ZPLD1: variants seen among roughly 807,000 people sequenced by gnomAD.
ZPLD1 encodes zona pellucida-like domain-containing protein 1.
In ZPLD1, 34 loss-of-function variants were observed where a neutral mutation model predicts 47.2. That is an observed-to-expected ratio of 0.72 (90% CI 0.55 to 0.96). ZPLD1 has a LOEUF of 0.96. Ranked by LOEUF, ZPLD1 falls within the 40% of genes least tolerant of loss-of-function variation. The pLI is 0.00. For missense variants in ZPLD1, 512 were observed against 505.8 expected, an observed-to-expected ratio of 1.01 and a Z score of -0.12; for synonymous variants, 176 against 186.2, an observed-to-expected ratio of 0.95 and a Z score of 0.45.
intron 7 of ZPLD1, among the ~76,000 whole-genome samples, chr3:102,416,475 C>A (rs143861139): frequency 1.3e-5 from 2 of 151,784 alleles, no homozygotes; most frequent in African/African-American, 4.8e-5. Flanking sequence ...GCGTTCAAAG[C>A]GAAACCTGAA....
intron 7 of ZPLD1, among the ~76,000 whole-genome samples, chr3:102,396,749 C>T (rs528025429): frequency 2.8e-4 from 43 of 152,250 alleles, no homozygotes; most frequent in Admixed American, 1.3e-3. Context: ...CACTCTGTTA[C>T]GCTCTTTCCT....
chr3:102,416,313 T>C (rs1476420006), intron 7 of ZPLD1, among the ~76,000 whole-genome samples: 3 of 151,946 alleles, frequency 2.0e-5, no homozygotes, highest in Non-Finnish European at 2.9e-5. Context: ...GTAGGGTATA[T>C]GGGTAGTGGT....
At chr3:102,452,254 ATT>A (rs34069463) in intron 3 of ZPLD1, among the ~76,000 whole-genome samples, 200 of 133,320 alleles carry the variant, frequency 1.5e-3, no homozygotes, top group Non-Finnish European at 1.7e-3. Context: ...TGTTTAGGTC[ATT>A]TTTTTTTTTT....
intron 8 of ZPLD1, among the ~76,000 whole-genome samples, chr3:102,429,425 C>A (rs953656227): frequency 6.6e-6 from 1 of 152,018 alleles, no homozygotes; most frequent in Non-Finnish European, 1.5e-5. Flanking sequence ...TGTTATCTGA[C>A]GAGGGGGAAT....
At chr3:102,441,485 T>C (rs1707176816) in intron 3 of ZPLD1, among the ~76,000 whole-genome samples, 1 of 152,200 alleles carries the variant, frequency 6.6e-6, no homozygotes, top group African/African-American at 2.4e-5. Context: ...TAAGAACAAC[T>C]GATAGTGTAT....
At chr3:102,402,005 G>A (rs1265178880) in intron 7 of ZPLD1, among the ~76,000 whole-genome samples, 4 of 152,018 alleles carry the variant, frequency 2.6e-5, no homozygotes, top group Middle Eastern at 3.4e-3. Context: ...GTAAGTAAAG[G>A]CATTTTTTTC....
chr3:102,411,993 C>T (rs1021016850), intron 7 of ZPLD1, among the ~76,000 whole-genome samples: 4 of 151,644 alleles, frequency 2.6e-5, no homozygotes, highest in Non-Finnish European at 5.9e-5. Flanking sequence ...GCTAGAAATC[C>T]AGTGAGGGGT....
chr3:102,395,611 A>G (rs1256874737), intron 7 of ZPLD1, among the ~76,000 whole-genome samples: 1 of 152,124 alleles, frequency 6.6e-6, no homozygotes, highest in Admixed American at 6.6e-5. Context: ...GGGCTTCTGA[A>G]CTCTAGAACT....
Position 102,462,658 on chromosome 3 carries a change from T to A in ZPLD1, c.680+280T>A, listed in dbSNP as rs560663838. Among the ~76,000 whole-genome samples, 3 of 152,222 alleles carry A rather than the reference T, an allele frequency of 2.0e-5. No individual in the cohort carries two copies. In the South Asian group the frequency reaches 6.2e-4, roughly 32 times the overall value. Reference sequence around the variant, plus strand: ...ATCTGGGATGCCGAAATGTTGTATCTCTTCATCAGAAAGATGATTAACCAA... The same window carrying A: ...ATCTGGGATGCCGAAATGTTGTATCACTTCATCAGAAAGATGATTAACCAA... On this transcript the variant is annotated intron_variant, in intron 7 of 11. Transcript: ENST00000466937.
chr3:102,456,043 C>A (rs1576158421), intron 4 of ZPLD1, 150 bp from the exon 5 acceptor site: 1 of 517,364 alleles, frequency 1.9e-6, no homozygotes. Context: ...TTGCATTTCT[C>A]ACTTATAAAC....
chr3:102,472,819 T>C (rs1193052209), intron 10 of ZPLD1, among the ~76,000 whole-genome samples: 5 of 152,238 alleles, frequency 3.3e-5, no homozygotes, highest in Non-Finnish European at 7.3e-5. Context: ...CCTTCTTGCC[T>C]ATGCAAAACT....
At chr3:102,471,426 A>G (rs775728105) in intron 10 of ZPLD1, among the ~76,000 whole-genome samples, 2 of 152,218 alleles carry the variant, frequency 1.3e-5, no homozygotes, top group Non-Finnish European at 2.9e-5. Context: ...AGAATTCTGC[A>G]TATTACATAC....
intron 7 of ZPLD1, among the ~76,000 whole-genome samples, chr3:102,399,279 T>C (rs1414592042): frequency 6.6e-6 from 1 of 152,118 alleles, no homozygotes; most frequent in Admixed American, 6.6e-5. Context: ...TATTTTTAGG[T>C]TACAATGTCA....
intron 8 of ZPLD1, among the ~76,000 whole-genome samples, chr3:102,467,220 C>A (rs1160584326): frequency 1.3e-5 from 2 of 151,884 alleles, no homozygotes; most frequent in Admixed American, 6.6e-5. Context: ...AGTTGTAAAA[C>A]CCATAAATAA....
At chr3:102,427,382 A>G (rs1255137090) in intron 8 of ZPLD1, among the ~76,000 whole-genome samples, 1 of 152,272 alleles carries the variant, frequency 6.6e-6, no homozygotes, top group East Asian at 1.9e-4. Flanking sequence ...TGCTGATTTT[A>G]TCTCTTATAC....
chr3:102,398,228 A>G (rs776290974), intron 7 of ZPLD1, among the ~76,000 whole-genome samples: 1 of 152,118 alleles, frequency 6.6e-6, no homozygotes, highest in Non-Finnish European at 1.5e-5. Flanking sequence ...GACCTTTGGT[A>G]TATTATTTAT....
At chr3:102,445,033 C>T (rs1042813570) in intron 3 of ZPLD1, among the ~76,000 whole-genome samples, 5 of 152,194 alleles carry the variant, frequency 3.3e-5, no homozygotes, top group African/African-American at 1.2e-4. Flanking sequence ...TCCTTGACCA[C>T]AGTGCTACAG....
chr3:102,439,517 G>C (rs1274412885), intron 3 of ZPLD1, among the ~76,000 whole-genome samples: 1 of 152,138 alleles, frequency 6.6e-6, no homozygotes, highest in African/African-American at 2.4e-5. Flanking sequence ...AGGAATTCAA[G>C]AAAAATTTGC....
intron 3 of ZPLD1, among the ~76,000 whole-genome samples, chr3:102,447,794 GC>G (rs1196338377): frequency 1.3e-5 from 2 of 152,124 alleles, no homozygotes; most frequent in African/African-American, 4.8e-5. Context: ...ATAATACAAT[GC>G]AAATATATTT....
Sources: allele counts gnomAD v4.1 joint callset (sites outside exome capture counted in the v4.1 genomes callset), GRCh38; gene constraint gnomAD v4.1.1; transcripts MANE v1.5; gene names NCBI Gene and HGNC (gene_info 2026-07-23, HGNC 2026-07-21).